Variants in BANP observed in about 807,000 individuals in gnomAD.
The protein encoded by BANP is BTG3 associated nuclear protein.
A neutral mutation model predicts 68.1 loss-of-function variants in BANP; 11 were observed. The ratio of observed to expected loss-of-function variants is 0.16; its 90% CI spans 0.10 to 0.27. The LOEUF (loss-of-function observed/expected upper bound fraction) is 0.27, where lower values mean the gene tolerates loss of function less well. BANP is among the 10% of genes least tolerant of loss of function. The pLI, the probability that BANP is intolerant of heterozygous loss-of-function variation, is 1.00. For synonymous variants in BANP, 329 were observed against 303.2 expected, an observed-to-expected ratio of 1.09 and a Z score of -0.88; for missense variants, 504 against 722.7, an observed-to-expected ratio of 0.70 and a Z score of 3.47.
At chr16:88,052,412 G>A (rs373442326) in intron 11 of BANP, among the ~76,000 whole-genome samples, 3 of 150,694 alleles carry the variant, frequency 2.0e-5, no homozygotes, top group Non-Finnish European at 4.5e-5. Flanking sequence ...ACTAGGTTGA[G>A]TGCTATTCTC....
At position 88,003,935 on chromosome 16, in the gene BANP, C is replaced by A; in HGVS notation, c.363-360C>A. Reference sequence around the variant, plus strand: ...CCAGTTCTCATGCAAGTGTGCCACCCTAGAAGCTTTATTAACTGGGTGCGA... The same window carrying A: ...CCAGTTCTCATGCAAGTGTGCCACCATAGAAGCTTTATTAACTGGGTGCGA... On this transcript the variant is annotated intron_variant, in intron 4 of 13. Coordinates refer to ENST00000682872, the MANE Select transcript of BANP (RefSeq NM_001386991.1). The surrounding 1 kb of genome is among the most constrained non-coding windows in gnomAD (Gnocchi z 6.1). 1 of 312,992 alleles carries A rather than the reference C, an allele frequency of 3.2e-6. No homozygotes were observed. The highest frequency in any genetic ancestry group is 6.1e-6 in the Non-Finnish European group (1 of 162,726). 19.4% of individuals were successfully genotyped at this position (312,992 alleles called of 1,614,324 possible). A position where few individuals can be genotyped will look rare whatever the true frequency, so the allele number is the denominator to read the frequency against.
At chr16:88,034,409 G>A (rs367805033) in intron 9 of BANP, among the ~76,000 whole-genome samples, 24 of 152,236 alleles carry the variant, frequency 1.6e-4, no homozygotes, top group East Asian at 7.7e-4. Context: ...AGGAGTATTC[G>A]TTTCATTTAC....
intron 4 of BANP, among the ~76,000 whole-genome samples, chr16:87,999,124 C>T (rs549473763): frequency 7.0e-6 from 1 of 142,134 alleles, no homozygotes; most frequent in Admixed American, 7.1e-5. Context: ...CCAGACACGT[C>T]TCCATGCATG....
intron 12 of BANP, among the ~76,000 whole-genome samples, chr16:88,066,732 G>GT (rs895040412): frequency 3.3e-5 from 5 of 151,820 alleles, no homozygotes; most frequent in Non-Finnish European, 4.4e-5. Flanking sequence ...ATTTTGTTCA[G>GT]TTTTTTTTTC....
intron 4 of BANP, among the ~76,000 whole-genome samples, chr16:87,996,899 A>G (rs1389174463): frequency 1.3e-5 from 2 of 152,228 alleles, no homozygotes; most frequent in Non-Finnish European, 2.9e-5. Flanking sequence ...TTTATGTTGT[A>G]TCTTGGTGGC....
At chr16:88,017,755 A>G (rs6540152) in intron 6 of BANP, among the ~76,000 whole-genome samples, 148,202 of 152,256 alleles carry the variant, frequency 0.97, 72,237 homozygotes, top group Non-Finnish European at 1. Context: ...TGTCTCCTCC[A>G]TGTGGAGTGT....
intron 11 of BANP, among the ~76,000 whole-genome samples, chr16:88,048,777 A>G (rs2082582009): frequency 1.3e-5 from 2 of 152,140 alleles, no homozygotes; most frequent in Admixed American, 6.5e-5. Context: ...GGATTCTAAC[A>G]GTGTTCTCGG....
At chr16:88,026,683 C>T (rs1465151416) in intron 7 of BANP, among the ~76,000 whole-genome samples, 4 of 148,928 alleles carry the variant, frequency 2.7e-5, no homozygotes, top group South Asian at 2.1e-4. Flanking sequence ...CAATACATAA[C>T]TTGAATTCTC....
chr16:88,060,192 C>A (rs932676405), intron 11 of BANP, among the ~76,000 whole-genome samples: 1 of 152,264 alleles, frequency 6.6e-6, no homozygotes, highest in African/African-American at 2.4e-5. Context: ...GTGGCAAGGC[C>A]GTATGTTTCT....
chr16:88,043,317 A>G (rs906740562), intron 11 of BANP, among the ~76,000 whole-genome samples: 3 of 152,116 alleles, frequency 2.0e-5, no homozygotes, highest in African/African-American at 7.2e-5. Context: ...GGCTGTTTAG[A>G]TGCATTTGTG....
chr16:87,962,386 A>G (rs930037646), intron 1 of BANP, among the ~76,000 whole-genome samples: 4 of 152,222 alleles, frequency 2.6e-5, no homozygotes, highest in African/African-American at 9.6e-5. Context: ...TGAATTAAAA[A>G]ATATTCAAAC....
chr16:88,076,520 T>A, intron 13 of BANP, 70 bp from the exon 14 acceptor site: 2 of 1,401,288 alleles, frequency 1.4e-6, no homozygotes, highest in Non-Finnish European at 2.0e-6. Flanking sequence ...TCACTGGCTG[T>A]TCATGACACC....
intron 11 of BANP, among the ~76,000 whole-genome samples, chr16:88,044,555 CTT>C (rs1434419368): frequency 1.3e-5 from 2 of 152,226 alleles, no homozygotes; most frequent in African/African-American, 4.8e-5. Context: ...GCAACCCACA[CTT>C]TGAAAAATAC....
chr16:88,056,671 GCA>G (rs2085125144), intron 11 of BANP, among the ~76,000 whole-genome samples: 1 of 152,158 alleles, frequency 6.6e-6, no homozygotes, highest in Admixed American at 6.5e-5. Context: ...GTTTAGCCCC[GCA>G]TCAGACTCTG....
In BANP at chr16:88,077,257, G is replaced by A. The variant is rs2091744387; in HGVS notation, c.*596G>A. 1 of 152,410 alleles carries A rather than the reference G, an allele frequency of 6.6e-6. No individual in the cohort carries two copies. Among genetic ancestry groups the A allele is most frequent in the South Asian group, 2.1e-4 (1 of 4,854 alleles). 9.4% of individuals were successfully genotyped at this position (152,410 alleles called of 1,614,324 possible). A position where few individuals can be genotyped will look rare whatever the true frequency, so the allele number is the denominator to read the frequency against. The stretch of plus-strand genomic sequence containing the variant: ...GTATTGCTGACCTACTTTTCTAGGG[G>A]AAATGCTCTTAAACACTGTAATTAT... On this transcript the variant is annotated 3_prime_UTR_variant, in exon 14 of 14. Transcript: ENST00000682872.
intron 11 of BANP, among the ~76,000 whole-genome samples, chr16:88,063,588 C>A (rs751315208): frequency 6.6e-6 from 1 of 152,202 alleles, no homozygotes; most frequent in Non-Finnish European, 1.5e-5. Context: ...GTAATCACTT[C>A]ACATTTTAAA....
chr16:88,072,266 G>A (rs759111016), intron 13 of BANP, 54 bp downstream of exon 13: 274 of 1,552,686 alleles, frequency 1.8e-4, no homozygotes, highest in Non-Finnish European at 2.3e-4. Flanking sequence ...GCCGCCTGCC[G>A]CTGCCACCGG....
intron 8 of BANP, among the ~76,000 whole-genome samples, chr16:88,029,904 G>A (rs1219689741): frequency 6.6e-6 from 1 of 152,218 alleles, no homozygotes; most frequent in Non-Finnish European, 1.5e-5. Flanking sequence ...TAAGAGCAGA[G>A]GGTTACACGG....
At chr16:87,954,120 G>A (rs918889478) in intron 1 of BANP, among the ~76,000 whole-genome samples, 1 of 152,060 alleles carries the variant, frequency 6.6e-6, no homozygotes, top group African/African-American at 2.4e-5. Context: ...TCTGTCTTAG[G>A]AGTTCCTGTT....
Sources: allele counts gnomAD v4.1 joint callset (sites outside exome capture counted in the v4.1 genomes callset), GRCh38; gene constraint gnomAD v4.1.1; non-coding constraint Gnocchi (gnomAD v3.1); transcripts MANE v1.5; gene names NCBI Gene and HGNC (gene_info 2026-07-23, HGNC 2026-07-21).